The following RALGAPA2 variants were observed in gnomAD, a reference collection of about 807,000 sequenced individuals.
RALGAPA2 encodes the protein Ral GTPase activating protein catalytic subunit alpha 2, also known as ral GTPase-activating protein subunit alpha-2.
In RALGAPA2, 139 loss-of-function variants were observed where a neutral mutation model predicts 230.4. The ratio of observed to expected loss-of-function variants is 0.60; its 90% CI spans 0.53 to 0.69. RALGAPA2 has a LOEUF of 0.69. RALGAPA2 is among the 30% of genes least tolerant of loss of function. The pLI is 0.00. For missense variants in RALGAPA2, 2,163 were observed against 2,276.0 expected, an observed-to-expected ratio of 0.95 and a Z score of 1.01; for synonymous variants, 847 against 837.8, an observed-to-expected ratio of 1.01 and a Z score of -0.19.
chr20:20,482,432 G>A (rs987763498), intron 36 of RALGAPA2, among the ~76,000 whole-genome samples: 1 of 152,120 alleles, frequency 6.6e-6, no homozygotes, highest in Non-Finnish European at 1.5e-5. Context: ...GTAGGAAGTG[G>A]TCATGACAGT....
At chr20:20,518,485 C>T (rs1448851066) in intron 31 of RALGAPA2, among the ~76,000 whole-genome samples, 1 of 152,134 alleles carries the variant, frequency 6.6e-6, no homozygotes, top group Non-Finnish European at 1.5e-5. Context: ...TTCCTTTTCA[C>T]TTTCTATATG....
intron 2 of RALGAPA2, among the ~76,000 whole-genome samples, chr20:20,680,162 A>G (rs957265677): frequency 7.9e-5 from 12 of 152,244 alleles, no homozygotes; most frequent in Admixed American, 4.6e-4. Flanking sequence ...CCCAGGCTAC[A>G]CTATCCTACC....
In RALGAPA2 at chr20:20,640,725, T is replaced by C. The variant is rs750762161; in HGVS notation, c.526A>G (p.Asn176Asp). 4 of 1,613,764 alleles carry C rather than the reference T, an allele frequency of 2.5e-6. No homozygotes were observed. Among genetic ancestry groups the C allele is most frequent in the Non-Finnish European group, 2.5e-6 (3 of 1,179,780 alleles). Reference protein sequence around the residue: ...RGPCTLETLINPSPSVADVKI... With the variant: ...RGPCTLETLIDPSPSVADVKI... ...CCATCAGCTACACTAGGGCTGGGAT[T>C]GATGAGTGTCTCCAGTGTGCAAGGG... Residue 176 changes from asparagine to aspartate, a missense_variant, in exon 6 of 40, where the codon AAT (asparagine) becomes GAT (aspartate). By Grantham distance (23) the Asn-to-Asp change is conservative. Coordinates refer to ENST00000202677, the MANE Select transcript of RALGAPA2 (RefSeq NM_020343.4).
intron 33 of RALGAPA2, among the ~76,000 whole-genome samples, chr20:20,510,427 A>T (rs1394732283): frequency 6.6e-6 from 1 of 152,218 alleles, no homozygotes; most frequent in East Asian, 1.9e-4. Context: ...GAAAAAATAT[A>T]GTGTGAAGAG....
At chr20:20,393,681 C>T (rs1162216113) in intron 39 of RALGAPA2, among the ~76,000 whole-genome samples, 1 of 152,130 alleles carries the variant, frequency 6.6e-6, no homozygotes, top group South Asian at 2.1e-4. Flanking sequence ...GTTTACATAT[C>T]GATATTCTAC....
At chr20:20,680,542 A>C in intron 2 of RALGAPA2, 149 bp downstream of exon 2, 1 of 1,181,560 alleles carries the variant, frequency 8.5e-7, no homozygotes, top group Non-Finnish European at 1.1e-6. Context: ...AGAGAAACAA[A>C]GATGCCACCC....
intron 30 of RALGAPA2, among the ~76,000 whole-genome samples, chr20:20,523,212 G>A (rs1042632082): frequency 6.6e-6 from 1 of 152,154 alleles, no homozygotes; most frequent in African/African-American, 2.4e-5. Flanking sequence ...CAAGGTTTGA[G>A]AGACACTGTT....
At chr20:20,677,247 G>A (rs2068360892) in intron 2 of RALGAPA2, among the ~76,000 whole-genome samples, 1 of 152,102 alleles carries the variant, frequency 6.6e-6, no homozygotes, top group Non-Finnish European at 1.5e-5. Flanking sequence ...CAAAAAAGAT[G>A]GTATGCAATT....
chr20:20,539,743 C>T (rs1178134595), intron 24 of RALGAPA2, among the ~76,000 whole-genome samples: 1 of 152,114 alleles, frequency 6.6e-6, no homozygotes, highest in Non-Finnish European at 1.5e-5. Context: ...ACTTTTGATC[C>T]ACTGACAAAC....
At chr20:20,632,826 G>A (rs2066722132) in intron 9 of RALGAPA2, among the ~76,000 whole-genome samples, 1 of 152,070 alleles carries the variant, frequency 6.6e-6, no homozygotes, top group African/African-American at 2.4e-5. Flanking sequence ...GGGGTTGTTT[G>A]TCTTCTTACC....
At chr20:20,549,298 T>C (rs1194435132) in intron 23 of RALGAPA2, among the ~76,000 whole-genome samples, 1 of 152,236 alleles carries the variant, frequency 6.6e-6, no homozygotes, top group Non-Finnish European at 1.5e-5. Flanking sequence ...GTTGCTATAC[T>C]GATGCTAAAG....
In RALGAPA2 at chr20:20,629,400, C is replaced by T. The variant is rs775032075; in HGVS notation, c.1196G>A (p.Arg399Gln). 23 of 1,611,784 alleles carry T rather than the reference C, an allele frequency of 1.4e-5. No individual in the cohort carries two copies. The highest frequency in any genetic ancestry group is 1.3e-4 in the East Asian group (6 of 44,812). ...TTCATTCACGAAGTTGACATAACCT[C>T]GTGTTGACAAGAGAATCCGCTGTAC... ...EMVQRILLSTRGYVNFVNEVF... is the reference protein window; with the variant it reads ...EMVQRILLSTQGYVNFVNEVF... Residue 399 changes from arginine to glutamine, a missense_variant, in exon 10 of 40, where the codon CGA (arginine) becomes CAA (glutamine). Arg to Gln is a conservative substitution (Grantham distance 43). Coordinates refer to ENST00000202677, the MANE Select transcript of RALGAPA2 (RefSeq NM_020343.4).
At chr20:20,444,199 A>G (rs987157305) in intron 37 of RALGAPA2, among the ~76,000 whole-genome samples, 6 of 152,236 alleles carry the variant, frequency 3.9e-5, no homozygotes, top group Non-Finnish European at 7.3e-5. Context: ...AGAATGGGAC[A>G]GAAGGACCTC....
intron 21 of RALGAPA2, among the ~76,000 whole-genome samples, chr20:20,572,300 A>T (rs906594444): frequency 1.3e-4 from 20 of 152,080 alleles, no homozygotes; most frequent in Non-Finnish European, 2.2e-4. Flanking sequence ...TCAGAACCCA[A>T]ACAAAAATCA....
intron 9 of RALGAPA2, among the ~76,000 whole-genome samples, chr20:20,633,105 CTCTT>C (rs1268594049): frequency 2.1e-5 from 3 of 145,782 alleles, no homozygotes; most frequent in East Asian, 2.0e-4. Flanking sequence ...TCCCTCCCTT[CTCTT>C]TCTTTCTCTC....
chr20:20,429,889 T>C (rs1051574435), intron 37 of RALGAPA2, among the ~76,000 whole-genome samples: 2 of 152,226 alleles, frequency 1.3e-5, no homozygotes, highest in African/African-American at 4.8e-5. Flanking sequence ...TGCCACTTGG[T>C]GTCATTCAAA....
intron 1 of RALGAPA2, among the ~76,000 whole-genome samples, chr20:20,688,791 G>A (rs573301105): frequency 6.6e-6 from 1 of 152,320 alleles, no homozygotes; most frequent in African/African-American, 2.4e-5. Flanking sequence ...ATCCTTTCAA[G>A]CATTCCTGAA....
At chr20:20,413,930 G>A (rs1369778703) in intron 37 of RALGAPA2, among the ~76,000 whole-genome samples, 2 of 152,196 alleles carry the variant, frequency 1.3e-5, no homozygotes, top group Non-Finnish European at 2.9e-5. Context: ...AATTCTAGAG[G>A]GACCCACTAA....
chr20:20,632,745 G>A (rs202160357), intron 9 of RALGAPA2, among the ~76,000 whole-genome samples: 2 of 138,630 alleles, frequency 1.4e-5, no homozygotes, highest in Non-Finnish European at 1.6e-5. Context: ...TCTGACTGCC[G>A]GTGAAATCAG....
Sources: allele counts gnomAD v4.1 joint callset (sites outside exome capture counted in the v4.1 genomes callset), GRCh38; gene constraint gnomAD v4.1.1; transcripts MANE v1.5; gene names NCBI Gene and HGNC (gene_info 2026-07-23, HGNC 2026-07-21).